Variants in CEACAM16 observed in about 807,000 individuals in gnomAD.
The protein encoded by CEACAM16 is cell adhesion molecule CEACAM16.
Under a neutral mutation model 39.4 loss-of-function variants are expected in CEACAM16, and 30 were observed. That is an observed-to-expected ratio of 0.76 (90% CI 0.57 to 1.03). CEACAM16 has a LOEUF of 1.03. Among genes scored for constraint, CEACAM16 ranks in the 50% least tolerant of loss-of-function variants. The pLI is 0.00. For missense variants in CEACAM16, 521 were observed against 585.3 expected, an observed-to-expected ratio of 0.89 and a Z score of 1.13; for synonymous variants, 262 against 264.9, an observed-to-expected ratio of 0.99 and a Z score of 0.11.
chr19:44,703,988 C>A (rs879833225), intron 3 of CEACAM16, 30 bp from the exon 4 acceptor site: 4 of 1,551,466 alleles, frequency 2.6e-6, no homozygotes, highest in Non-Finnish European at 3.5e-6. Flanking sequence ...GGTGTCCGGC[C>A]CCCTCCCCCT....
chr19:44,701,310 CCTCCAAATTCAGGTGATCTCCCCTGG>C lies in CEACAM16; in HGVS notation c.-96-42_-96-17del. 1.1e-6 allele frequency: 1 copy of C among 877,806 alleles called. No homozygotes were observed. The highest frequency in any genetic ancestry group is 1.9e-6 in the Non-Finnish European group (1 of 539,656). 54.4% of individuals were successfully genotyped at this position (877,806 alleles called of 1,614,324 possible). A position where few individuals can be genotyped will look rare whatever the true frequency, so the allele number is the denominator to read the frequency against. ...GCCCCAGATCCTTGGTGACTCGATC[CCTCCAAATTCAGGTGATCTCCCCTGG>C]CTCCAAATCACCAAACCCTCCCAGG... On this transcript the variant is annotated intron_variant, in intron 1 of 6. Coordinates refer to ENST00000587331, the MANE Select transcript of CEACAM16 (RefSeq NM_001039213.4). The surrounding 1 kb of genome is among the most constrained non-coding windows in gnomAD (Gnocchi z 4.0).
chr19:44,704,234 A>G lies in CEACAM16; in HGVS notation c.599A>G (p.Gln200Arg), dbSNP rs961956645. Residue 200 changes from glutamine (Q) to arginine (R), a missense_variant, in exon 4 of 7, where the codon CAG (glutamine) becomes CGG (arginine). Coordinates refer to ENST00000587331, the MANE Select transcript of CEACAM16 (RefSeq NM_001039213.4). ...CGCCGGGAGGAGGCCGGCGCCTATC[A>G]GTGTGAGGTGTGGAACCCGGTCAGT... ...GIRREEAGAYQCEVWNPVSVS... is the reference protein window; with the variant it reads ...GIRREEAGAYRCEVWNPVSVS... 1.9e-6 allele frequency: 3 copies of G among 1,546,720 alleles called. No homozygotes were observed. In the South Asian group the frequency reaches 3.6e-5, roughly 18 times the overall value.
At chr19:44,699,628 C>T (rs1471174463) in intron 1 of CEACAM16, among the ~76,000 whole-genome samples, 1 of 152,004 alleles carries the variant, frequency 6.6e-6, no homozygotes, top group African/African-American at 2.4e-5. Context: ...CCACCCACCT[C>T]GGCCTCCCAA....
intron 1 of CEACAM16, 47 bp downstream of exon 1, chr19:44,699,307 C>G (rs375521925): frequency 3.0e-5 from 16 of 533,468 alleles, no homozygotes; most frequent in Non-Finnish European, 5.8e-5. Flanking sequence ...CTTTCAACAG[C>G]CCTGTGATGT....
In CEACAM16 at chr19:44,704,765, C is replaced by A. The variant is rs555900653; in HGVS notation, c.661+469C>A. On this transcript the variant is annotated intron_variant, in intron 4 of 6. Coordinates refer to ENST00000587331, the MANE Select transcript of CEACAM16 (RefSeq NM_001039213.4). ...AAAACAAACAAACAAAAAAAAACAA[C>A]AACAACAAACAAAAAAAATACACTT... 4.8e-4 allele frequency among the ~76,000 whole-genome samples: 72 copies of A among 149,182 alleles called. 2 individuals are homozygous for A. The highest frequency in any genetic ancestry group is 4.2e-3 in the Admixed American group (63 of 14,970).
At chr19:44,705,524 CAGGG>C in intron 4 of CEACAM16, 62 bp from the exon 5 acceptor site, 2 of 1,498,250 alleles carry the variant, frequency 1.3e-6, no homozygotes, top group Admixed American at 2.1e-5. Context: ...GAGAGAAAAC[CAGGG>C]GTACCAACCT....
At chr19:44,700,127 T>A (rs989043629) in intron 1 of CEACAM16, among the ~76,000 whole-genome samples, 1 of 152,222 alleles carries the variant, frequency 6.6e-6, no homozygotes, top group African/African-American at 2.4e-5. Context: ...TGCCTCAGCC[T>A]CTCGAGTAGC....
At chr19:44,710,129 A>G (rs1349055681) in intron 6 of CEACAM16, among the ~76,000 whole-genome samples, 1 of 152,104 alleles carries the variant, frequency 6.6e-6, no homozygotes, top group Non-Finnish European at 1.5e-5. Flanking sequence ...CTCCCCTATC[A>G]CTGGAAATTT....
intron 1 of CEACAM16, among the ~76,000 whole-genome samples, chr19:44,700,017 GT>G (rs1017712704): frequency 1.0e-4 from 15 of 148,712 alleles, no homozygotes; most frequent in Admixed American, 6.7e-4. Flanking sequence ...TTTTGCTTTT[GT>G]TTTTTGAGAT....
At position 44,710,524 on chromosome 19, in the gene CEACAM16, C is replaced by T. The variant is rs765114269; in HGVS notation, c.*18C>T. The stretch of plus-strand genomic sequence containing the variant: ...TGGGGTAACAGCGTGACCCTGGAGA[C>T]GTCCAGAGAGAAGAGCTCTTCGCAC... On this transcript the variant is annotated 3_prime_UTR_variant, in exon 7 of 7. Coordinates refer to ENST00000587331, the MANE Select transcript of CEACAM16 (RefSeq NM_001039213.4). 12 of 1,613,664 alleles carry T rather than the reference C, an allele frequency of 7.4e-6. No homozygotes were observed. The highest frequency in any genetic ancestry group is 1.3e-5 in the African/African-American group (1 of 74,924).
At chr19:44,707,787 C>T (rs1974472572) in intron 5 of CEACAM16, 74 bp from the exon 6 acceptor site, 6 of 1,330,174 alleles carry the variant, frequency 4.5e-6, no homozygotes, top group Admixed American at 5.7e-5. Context: ...TGGGGGGAGG[C>T]CAGCAAGGGT....
At position 44,703,547 on chromosome 19, in the gene CEACAM16, C is replaced by A; in HGVS notation, c.236C>A (p.Pro79Gln). ...IVSTGDETPG[P>Q]AHTGREAVRP... is the part of the protein sequence containing the mutation. ...AGCACAGGCGATGAGACTCCTGGCCCGGCCCACACGGGGCGGGAGGCTGTG... is the reference window on the plus strand; with the variant it reads ...AGCACAGGCGATGAGACTCCTGGCCAGGCCCACACGGGGCGGGAGGCTGTG... The change falls in exon 3 of 7, where the codon CCG becomes CAG. Residue 79 changes from proline (P) to glutamine (Q), a missense_variant. Transcript: ENST00000587331. The A allele has an allele frequency of 6.2e-7, 1 of 1,613,188 alleles. No individual in the cohort carries two copies. The highest frequency in any genetic ancestry group is 8.5e-7 in the Non-Finnish European group (1 of 1,179,762).
rs1477528286 is a variant in CEACAM16 at position 44,708,113 on chromosome 19, C to T, written c.1193C>T (p.Thr398Ile). ...LLVQKLNLTD[T>I]GRYTLKTVTV... ...GTGCAGAAGCTGAACCTCACAGACA[C>T]TGGCCGCTACACACTCAAGACTGTC... The change falls in exon 6 of 7, where the codon ACT becomes ATT. Residue 398 changes from threonine to isoleucine, a missense_variant. Physicochemically the swap from Thr to Ile is moderately conservative, Grantham distance 89 (BLOSUM62 -1). Coordinates refer to ENST00000587331, the MANE Select transcript of CEACAM16 (RefSeq NM_001039213.4). 2 of 1,609,792 alleles carry T rather than the reference C, an allele frequency of 1.2e-6. No individual in the cohort carries two copies. The highest frequency in any genetic ancestry group is 1.7e-6 in the Non-Finnish European group (2 of 1,178,242).
chr19:44,699,974 T>C lies in CEACAM16; in HGVS notation c.-97+714T>C, dbSNP rs529948022. Among the ~76,000 whole-genome samples the C allele has an allele frequency of 1.4e-4, 21 of 151,844 alleles. No homozygotes were observed. The South Asian group carries it at 4.2e-3, about 30-fold the overall frequency. On this transcript the variant is annotated intron_variant, in intron 1 of 6. Coordinates refer to ENST00000587331, the MANE Select transcript of CEACAM16 (RefSeq NM_001039213.4). ...CCTAGTAGCTGGGATTACAGGCATG[T>C]GCCACCATGACCGGCTAACTTTTAT...
rs751750847 is a variant in CEACAM16 at position 44,704,001 on chromosome 19, G to A, written c.383-17G>A. 1.2e-5 allele frequency: 19 copies of A among 1,571,508 alleles called. No homozygotes were observed. Among genetic ancestry groups the A allele is most frequent in the Non-Finnish European group, 1.6e-5 (18 of 1,153,712 alleles). ...GTGGTGTCCGGCCCCCTCCCCCTCT[G>A]TCTCTTGCCCCCACAGAGATCCTGG... On this transcript the variant is annotated splice_polypyrimidine_tract_variant and intron_variant, in intron 3 of 6. Transcript: ENST00000587331.
rs59028589 is a variant in CEACAM16, at chr19:44,704,174, C to A, written c.539C>A (p.Ser180Tyr). The change falls in exon 4 of 7, where the codon TCC (serine) becomes TAC (tyrosine). Residue 180 changes from serine to tyrosine, a missense_variant. By Grantham distance (144) the Ser-to-Tyr change is moderately radical. Transcript: ENST00000587331. ...CCCGTCGCTCTCCGCCTGGGCCTGT[C>A]CCCTGACGGCCGGGTGCTGGCCAGG... ...ALPVALRLGL[S>Y]PDGRVLARHG... is the part of the protein sequence containing the mutation. The A allele has an allele frequency of 3.8e-6, 6 of 1,578,212 alleles. No homozygotes were observed. In the East Asian group the frequency reaches 7.0e-5, roughly 19 times the overall value.
Position 44,704,025 on chromosome 19 carries a change from G to A in CEACAM16, c.390G>A (p.Leu130=), listed in dbSNP as rs1974397313. ...GYGHVQVHEI[L]AQPTVLANST... is the part of the protein sequence containing the mutation. ...TGTCTCTTGCCCCCACAGAGATCCT[G>A]GCCCAGCCCACAGTCTTGGCCAACA... is the stretch of plus-strand genomic sequence containing the variant. The change falls in exon 4 of 7, where the codon CTG becomes CTA. Residue 130 remains leucine (L), a synonymous_variant. Coordinates refer to ENST00000587331, the MANE Select transcript of CEACAM16 (RefSeq NM_001039213.4). The A allele has an allele frequency of 6.3e-7, 1 of 1,595,392 alleles. No individual in the cohort carries two copies. Among genetic ancestry groups the A allele is most frequent in the African/African-American group, 1.3e-5 (1 of 74,492 alleles).
At chr19:44,703,067 C>T (rs999308815) in intron 2 of CEACAM16, among the ~76,000 whole-genome samples, 2 of 152,228 alleles carry the variant, frequency 1.3e-5, no homozygotes, top group African/African-American at 4.8e-5. Flanking sequence ...TCCTTACAAC[C>T]TTACCAGGCA....
chr19:44,705,901 C>A, intron 5 of CEACAM16, 33 bp downstream of exon 5: 1 of 1,592,568 alleles, frequency 6.3e-7, no homozygotes, highest in Non-Finnish European at 8.6e-7. Context: ...ACCCCCCAGT[C>A]CCCATGGAGG....
Sources: gnomAD v4.1 joint callset for allele counts (sites outside exome capture counted in the v4.1 genomes callset) on GRCh38, gnomAD v4.1.1 for gene constraint, Gnocchi (gnomAD v3.1) non-coding constraint, MANE v1.5 for transcripts, NCBI Gene and HGNC (gene_info 2026-07-23, HGNC 2026-07-21) for gene names.